The following TMEM150C variants were observed in gnomAD, a reference collection of about 807,000 sequenced individuals.
TMEM150C encodes transmembrane protein 150C.
Under a neutral mutation model 29.9 loss-of-function variants are expected in TMEM150C, and 10 were observed. That is an observed-to-expected ratio of 0.33 (90% CI 0.21 to 0.57). The LOEUF is 0.57. Ranked by LOEUF, TMEM150C falls within the 20% of genes least tolerant of loss-of-function variation. The pLI is 0.88. For missense variants in TMEM150C, 251 were observed against 303.6 expected (o/e 0.83, Z 1.29); for synonymous variants, 101 against 112.5 (o/e 0.90, Z 0.64).
intron 1 of TMEM150C, among the ~76,000 whole-genome samples, chr4:82,526,591 A>G (rs1228974389): frequency 6.6e-6 from 1 of 152,146 alleles, no homozygotes; most frequent in Non-Finnish European, 1.5e-5. Context: ...CAACTTACAA[A>G]TGAAAATATA....
At chr4:82,520,714 G>T (rs7671872) in intron 1 of TMEM150C, among the ~76,000 whole-genome samples, 125,334 of 152,062 alleles carry the variant, frequency 0.82, 51,768 homozygotes, top group East Asian at 0.93. Flanking sequence ...AAGCCTCCAT[G>T]TGTACAAAAA....
intron 6 of TMEM150C, chr4:82,495,479 G>T (rs1723523576): frequency 1.1e-5 from 4 of 355,808 alleles, no homozygotes; most frequent in Non-Finnish European, 2.2e-5. Flanking sequence ...GCTCTTTTAG[G>T]CCCCAGGTGA....
rs542093418 is a variant in TMEM150C, at chr4:82,546,656, G to A, written c.-11+15250C>T. On this transcript the variant is annotated intron_variant, in intron 1 of 7. Coordinates refer to ENST00000449862, the MANE Select transcript of TMEM150C (RefSeq NM_001080506.3). ...ATCTTGGCTAACACAGTGAAACCCCGTCTCTACTAAAAATACAAAAAATTA... is the reference window on the plus strand; with the variant it reads ...ATCTTGGCTAACACAGTGAAACCCCATCTCTACTAAAAATACAAAAAATTA... Among the ~76,000 whole-genome samples, 303 of 152,062 alleles carry A rather than the reference G, an allele frequency of 2.0e-3. 2 individuals carry two copies. The highest frequency in any genetic ancestry group is 7.1e-3 in the African/African-American group (293 of 41,480).
intron 1 of TMEM150C, among the ~76,000 whole-genome samples, chr4:82,559,870 G>C (rs552158557): frequency 1.3e-5 from 2 of 152,162 alleles, no homozygotes; most frequent in African/African-American, 2.4e-5. Context: ...CTGAGATTGC[G>C]GGGTCCAGCT....
chr4:82,546,979 A>C (rs944369545), intron 1 of TMEM150C, among the ~76,000 whole-genome samples: 1 of 152,204 alleles, frequency 6.6e-6, no homozygotes, highest in African/African-American at 2.4e-5. Context: ...TCAGGACATC[A>C]ACCTTGGGAA....
chr4:82,559,761 G>A (rs1189902055), intron 1 of TMEM150C, among the ~76,000 whole-genome samples: 2 of 152,148 alleles, frequency 1.3e-5, no homozygotes, highest in East Asian at 3.9e-4. Flanking sequence ...CTGTGAAAGG[G>A]GATGACTGAG....
chr4:82,487,247 G>A (rs1054397114), intron 7 of TMEM150C, among the ~76,000 whole-genome samples: 1 of 152,152 alleles, frequency 6.6e-6, no homozygotes, highest in African/African-American at 2.4e-5. Context: ...CCAGTAGTTC[G>A]AGACCAGCCT....
intron 6 of TMEM150C, chr4:82,491,345 A>G: frequency 3.1e-6 from 2 of 650,210 alleles, no homozygotes; most frequent in African/African-American, 1.8e-5. Context: ...TAAGCAGCTG[A>G]GTAGCTGCTT....
intron 1 of TMEM150C, among the ~76,000 whole-genome samples, chr4:82,514,437 C>A (rs114839327): frequency 6.6e-6 from 1 of 152,204 alleles, no homozygotes; most frequent in South Asian, 2.1e-4. Context: ...CATGTTGGAA[C>A]GTAATGGAAA....
chr4:82,540,714 TAA>T lies in TMEM150C; in HGVS notation c.-11+21190_-11+21191del, dbSNP rs1400224226. ...TGTGTGCTATTTTTTAATTGACAAA[TAA>T]AAGTTGTATATATTTATGGTGTACA... is the stretch of plus-strand genomic sequence containing the variant. On this transcript the variant is annotated intron_variant, in intron 1 of 7. Transcript: ENST00000449862. 9.2e-5 allele frequency among the ~76,000 whole-genome samples: 14 copies of T among 152,268 alleles called. No homozygotes were observed. The East Asian group carries it at 2.7e-3, about 29-fold the overall frequency.
At chr4:82,537,114 T>C (rs1725036992) in intron 1 of TMEM150C, among the ~76,000 whole-genome samples, 1 of 152,166 alleles carries the variant, frequency 6.6e-6, no homozygotes, top group Non-Finnish European at 1.5e-5. Context: ...CCCGAGCAGC[T>C]GAGACTACAG....
In TMEM150C at chr4:82,499,862, G is replaced by A. The variant is rs7696601; in HGVS notation, c.235+2865C>T. On this transcript the variant is annotated intron_variant, in intron 5 of 7. Coordinates refer to ENST00000449862, the MANE Select transcript of TMEM150C (RefSeq NM_001080506.3). ...TCCTTGCAGTTCTAAACTGGTACCT[G>A]GCCAAATTTTTGTTTTGTTTTGTTT... Among the ~76,000 whole-genome samples, 1,214 of 151,752 alleles carry A rather than the reference G, an allele frequency of 8.0e-3. 15 individuals carry two copies. The highest frequency in any genetic ancestry group is 0.028 in the African/African-American group (1,162 of 41,370).
At chr4:82,545,938 A>G (rs1041738332) in intron 1 of TMEM150C, among the ~76,000 whole-genome samples, 2 of 152,126 alleles carry the variant, frequency 1.3e-5, no homozygotes. Flanking sequence ...AAAACAAAAA[A>G]AAAAGCTAAG....
rs149352988 is a variant in TMEM150C at position 82,516,123 on chromosome 4, G to A, written c.-10-11456C>T. 6.4e-3 allele frequency among the ~76,000 whole-genome samples: 968 copies of A among 152,284 alleles called. 5 individuals are homozygous for A. Among genetic ancestry groups the A allele is most frequent in the Middle Eastern group, 0.024 (7 of 294 alleles). On this transcript the variant is annotated intron_variant, in intron 1 of 7. Coordinates refer to ENST00000449862, the MANE Select transcript of TMEM150C (RefSeq NM_001080506.3). ...GCACCACTCAGATCCCCAGAGGACA[G>A]ACAGGCCCAGAAAGTTCAAGAGATG...
At chr4:82,496,032 G>T (rs192690191) in intron 6 of TMEM150C, 36 bp downstream of exon 6, 133 of 1,613,258 alleles carry the variant, frequency 8.2e-5, no homozygotes, top group Middle Eastern at 1.6e-4. Flanking sequence ...GGTCTTACCA[G>T]TGTCAGAGGG....
At chr4:82,505,517 C>G (rs558021090) in intron 1 of TMEM150C, among the ~76,000 whole-genome samples, 155 of 152,312 alleles carry the variant, frequency 1.0e-3, no homozygotes, top group African/African-American at 3.4e-3. Flanking sequence ...TGGAGCTGAT[C>G]TGTACATAAA....
At chr4:82,500,342 G>A (rs1723698629) in intron 5 of TMEM150C, among the ~76,000 whole-genome samples, 2 of 152,184 alleles carry the variant, frequency 1.3e-5, no homozygotes, top group South Asian at 4.1e-4. Context: ...GTCTAACAAG[G>A]GCAGGCCTGG....
chr4:82,534,238 T>C (rs1724938850), intron 1 of TMEM150C, among the ~76,000 whole-genome samples: 1 of 152,172 alleles, frequency 6.6e-6, no homozygotes, highest in Non-Finnish European at 1.5e-5. Context: ...ATAACAAGTA[T>C]AATTCTGTAA....
chr4:82,506,222 G>A (rs562455748), intron 1 of TMEM150C, among the ~76,000 whole-genome samples: 13 of 152,178 alleles, frequency 8.5e-5, no homozygotes, highest in Non-Finnish European at 1.5e-4. Flanking sequence ...TGAGACAAGA[G>A]AGGAAACATG....
Sources: allele counts gnomAD v4.1 joint callset (sites outside exome capture counted in the v4.1 genomes callset), GRCh38; gene constraint gnomAD v4.1.1; transcripts MANE v1.5; gene names NCBI Gene and HGNC (gene_info 2026-07-23, HGNC 2026-07-21).